Variants in CBX1 observed in about 807,000 individuals in gnomAD.
CBX1 encodes the protein chromobox protein homolog 1.
CBX1 carries 10 observed loss-of-function variants against 25.1 expected under a neutral mutation model. The observed-to-expected ratio is 0.40, with a 90% CI of 0.25 to 0.68. CBX1 has a LOEUF of 0.68. Ranked by LOEUF, CBX1 falls within the 30% of genes least tolerant of loss-of-function variation. CBX1 has a pLI of 0.40. For synonymous variants in CBX1, 63 were observed against 79.4 expected, an observed-to-expected ratio of 0.79 and a Z score of 1.10; for missense variants, 106 against 218.5, an observed-to-expected ratio of 0.49 and a Z score of 3.25.
At chr17:48,095,951 GCTCCCTGCAACCTCCGC>G (rs1198874506) in intron 1 of CBX1, 1 of 152,292 alleles carries the variant, frequency 6.6e-6, no homozygotes, top group Non-Finnish European at 1.5e-5. Flanking sequence ...TGCAATCTCG[GCTCCCTGCAACCTCCGC>G]CTCCCAGGTT....
rs1382220039 is a variant in CBX1 at position 48,075,075 on chromosome 17, C to T, written c.344G>A (p.Arg115Gln). Residue 115 changes from arginine to glutamine, a missense_variant, in exon 4 of 5, where the codon CGA becomes CAA. This residue lies in a region of CBX1 where 71 missense variants were observed against 144.1 expected (regional missense o/e 0.49). Transcript: ENST00000225603. ...EESEKPRGFA[R>Q]GLEPERIIGA... Reference sequence around the variant, plus strand: ...AATAATCCGCTCCGGCTCCAAACCTCGAGCAAAGCCTCGTGGCTTTTCTGA... The same window carrying T: ...AATAATCCGCTCCGGCTCCAAACCTTGAGCAAAGCCTCGTGGCTTTTCTGA... 1 of 1,614,028 alleles carries T rather than the reference C, an allele frequency of 6.2e-7. No individual in the cohort carries two copies. The highest frequency in any genetic ancestry group is 8.5e-7 in the Non-Finnish European group (1 of 1,179,890).
chr17:48,076,640 CA>C (rs1258067808), intron 2 of CBX1, among the ~76,000 whole-genome samples: 19 of 152,146 alleles, frequency 1.2e-4, no homozygotes, highest in Admixed American at 1.2e-3. Flanking sequence ...CACTGTACTC[CA>C]GCCTGGGTGA....
chr17:48,084,487 G>A (rs539265734), intron 1 of CBX1, among the ~76,000 whole-genome samples: 4 of 149,216 alleles, frequency 2.7e-5, no homozygotes, highest in South Asian at 4.2e-4. Flanking sequence ...GGGATAACAG[G>A]CGTGAGCCAC....
At chr17:48,078,856 C>T (rs1224420400) in intron 1 of CBX1, among the ~76,000 whole-genome samples, 1 of 137,228 alleles carries the variant, frequency 7.3e-6, no homozygotes. Flanking sequence ...GTGGCACAAT[C>T]TCGGCTCACT....
chr17:48,073,262 A>G (rs2037642880), intron 4 of CBX1, among the ~76,000 whole-genome samples: 1 of 152,176 alleles, frequency 6.6e-6, no homozygotes, highest in Non-Finnish European at 1.5e-5. Context: ...AATAACAGGA[A>G]ATCAGAGCCA....
intron 1 of CBX1, among the ~76,000 whole-genome samples, chr17:48,077,427 TTTG>T (rs368188013): frequency 1.3e-3 from 139 of 105,058 alleles, no homozygotes; most frequent in African/African-American, 2.5e-3. Context: ...CCAGCTAATT[TTTG>T]TTGTTTTTTT....
chr17:48,087,358 G>T (rs575021981), intron 1 of CBX1, among the ~76,000 whole-genome samples: 1 of 150,982 alleles, frequency 6.6e-6, no homozygotes, highest in Non-Finnish European at 1.5e-5. Flanking sequence ...GGTGGATCAC[G>T]AGGTCAGGAG....
At chr17:48,093,254 A>G (rs2063354345) in intron 1 of CBX1, among the ~76,000 whole-genome samples, 1 of 151,290 alleles carries the variant, frequency 6.6e-6, no homozygotes. Context: ...CAGCCTGGGC[A>G]ATAGAGCGAG....
chr17:48,085,650 G>T (rs192817908), intron 1 of CBX1, among the ~76,000 whole-genome samples: 2 of 152,124 alleles, frequency 1.3e-5, no homozygotes, highest in Non-Finnish European at 2.9e-5. Context: ...ACAAAGCTGG[G>T]TTTTTAATGC....
chr17:48,087,621 C>T (rs547028062), intron 1 of CBX1, among the ~76,000 whole-genome samples: 1 of 151,884 alleles, frequency 6.6e-6, no homozygotes, highest in African/African-American at 2.4e-5. Flanking sequence ...TGCCTGTAAC[C>T]CCAACACTTT....
At chr17:48,100,948 C>CA (rs2063406164) in intron 1 of CBX1, 2 of 986,490 alleles carry the variant, frequency 2.0e-6, no homozygotes, top group Admixed American at 6.1e-5. Context: ...CCCTATCCCG[C>CA]AGCCGCCCAG....
At chr17:48,091,677 A>C (rs1386511100) in intron 1 of CBX1, among the ~76,000 whole-genome samples, 1 of 151,594 alleles carries the variant, frequency 6.6e-6, no homozygotes, top group Non-Finnish European at 1.5e-5. Context: ...AAATAGCTGG[A>C]ATTACAAGCA....
At chr17:48,091,822 C>T (rs998643196) in intron 1 of CBX1, among the ~76,000 whole-genome samples, 4 of 151,518 alleles carry the variant, frequency 2.6e-5, no homozygotes, top group African/African-American at 4.8e-5. Context: ...GCATTACAGG[C>T]GTGAGCCACC....
Position 48,087,208 on chromosome 17 carries a change from A to T in CBX1, c.-37-10167T>A, listed in dbSNP as rs1183424171. On this transcript the variant is annotated intron_variant, in intron 1 of 4. Coordinates refer to ENST00000225603, the MANE Select transcript of CBX1 (RefSeq NM_001127228.2). ...CATCTCAAAAAAAAAAAAAGAAAAG[A>T]ATTCAGAGGAAAGCGAACTCTGAGT... Among the ~76,000 whole-genome samples, 7 of 149,836 alleles carry T rather than the reference A, an allele frequency of 4.7e-5. No homozygotes were observed. In the East Asian group the frequency reaches 1.4e-3, roughly 30 times the overall value.
intron 1 of CBX1, among the ~76,000 whole-genome samples, chr17:48,077,445 GTTTTT>G (rs796350669): frequency 1.9e-5 from 1 of 52,412 alleles, no homozygotes. Flanking sequence ...TTTTTTTTTT[GTTTTT>G]TTTGTTTTTT....
chr17:48,096,012 C>G (rs1322537362), intron 1 of CBX1, among the ~76,000 whole-genome samples: 1 of 152,156 alleles, frequency 6.6e-6, no homozygotes, highest in Non-Finnish European at 1.5e-5. Context: ...TCCCGAGTCA[C>G]TGGGATTACA....
intron 1 of CBX1, among the ~76,000 whole-genome samples, chr17:48,082,017 T>C (rs1209365846): frequency 6.6e-6 from 1 of 151,952 alleles, no homozygotes; most frequent in Non-Finnish European, 1.5e-5. Flanking sequence ...TTGGAAGGCC[T>C]AGGCAGAAGG....
chr17:48,085,633 G>A (rs1420069259), intron 1 of CBX1, among the ~76,000 whole-genome samples: 1 of 151,976 alleles, frequency 6.6e-6, no homozygotes, highest in Non-Finnish European at 1.5e-5. Context: ...TAAACCTGCA[G>A]ACAGAAACAA....
intron 1 of CBX1, among the ~76,000 whole-genome samples, chr17:48,086,536 G>A (rs1405430158): frequency 2.0e-5 from 3 of 152,164 alleles, no homozygotes; most frequent in Non-Finnish European, 4.4e-5. Context: ...AGGGTTTCTA[G>A]CTAAATGCCA....
Sources: allele counts gnomAD v4.1 joint callset (sites outside exome capture counted in the v4.1 genomes callset), GRCh38; gene constraint gnomAD v4.1.1; regional missense constraint gnomAD v4.1.1; transcripts MANE v1.5; gene names NCBI Gene and HGNC (gene_info 2026-07-23, HGNC 2026-07-21).